The following KCNIP4 variants were observed in gnomAD, a reference collection of about 807,000 sequenced individuals.
KCNIP4 encodes the protein potassium voltage-gated channel interacting protein 4.
KCNIP4 carries 12 observed loss-of-function variants against 34.0 expected under a neutral mutation model. That is an observed-to-expected ratio of 0.35 (90% confidence interval 0.23 to 0.57). The LOEUF (loss-of-function observed/expected upper bound fraction) is 0.57. Ranked by LOEUF, KCNIP4 falls within the 20% of genes least tolerant of loss-of-function variation. The probability of loss-of-function intolerance (pLI) is 0.83; values close to 1 mark genes in which losing one functional copy is unlikely to be tolerated. For missense variants in KCNIP4, 238 were observed against 311.7 expected (o/e 0.76, Z 1.78); for synonymous variants, 124 against 102.2 (o/e 1.21, Z -1.29).
At chr4:21,853,278 G>C (rs1321672842) in intron 1 of KCNIP4, 2 of 152,086 alleles carry the variant, frequency 1.3e-5, no homozygotes, top group East Asian at 3.9e-4. Context: ...TTAAAATATA[G>C]GGCTCTAATA....
intron 1 of KCNIP4, among the ~76,000 whole-genome samples, chr4:20,923,799 G>T (rs967055747): frequency 6.6e-6 from 1 of 152,106 alleles, no homozygotes; most frequent in Non-Finnish European, 1.5e-5. Flanking sequence ...ATCTTTAGGG[G>T]AAGAAAAGAG....
intron 1 of KCNIP4, among the ~76,000 whole-genome samples, chr4:20,909,752 T>TTA (rs1276180983): frequency 6.6e-6 from 1 of 152,182 alleles, no homozygotes; most frequent in Admixed American, 6.6e-5. Flanking sequence ...AATGAGACAC[T>TTA]TACCAATGTC....
At chr4:21,539,615 G>A (rs1298132818) in intron 1 of KCNIP4, among the ~76,000 whole-genome samples, 16 of 152,132 alleles carry the variant, frequency 1.1e-4, no homozygotes, top group Non-Finnish European at 2.9e-5. Flanking sequence ...TGTCCAGATT[G>A]AGCTGACATT....
At chr4:21,379,405 A>G (rs1024658269) in intron 1 of KCNIP4, among the ~76,000 whole-genome samples, 1 of 152,106 alleles carries the variant, frequency 6.6e-6, no homozygotes, top group Non-Finnish European at 1.5e-5. Flanking sequence ...AGTCAGAGTG[A>G]CTCTTTTAAA....
intron 1 of KCNIP4, among the ~76,000 whole-genome samples, chr4:21,302,769 C>T (rs62294088): frequency 1.9e-3 from 283 of 152,146 alleles, no homozygotes; most frequent in Non-Finnish European, 3.0e-3. Context: ...ATCAGAGTGA[C>T]ACACTTATTT....
intron 4 of KCNIP4, among the ~76,000 whole-genome samples, chr4:20,753,608 C>T (rs1754013412): frequency 6.6e-6 from 1 of 152,134 alleles, no homozygotes; most frequent in African/African-American, 2.4e-5. Flanking sequence ...CCATTGAATT[C>T]AAGCACGAGG....
chr4:21,171,103 A>G (rs1753991801), intron 1 of KCNIP4, among the ~76,000 whole-genome samples: 1 of 152,238 alleles, frequency 6.6e-6, no homozygotes, highest in Non-Finnish European at 1.5e-5. Context: ...TTACAAATAA[A>G]TCTACATAAA....
At chr4:20,743,007 GGGATGTGAAGGACCCTTATAA>G (rs1453949630) in intron 5 of KCNIP4, among the ~76,000 whole-genome samples, 1 of 140,988 alleles carries the variant, frequency 7.1e-6, no homozygotes, top group Non-Finnish European at 1.5e-5. Flanking sequence ...CAACTTATAT[GGGATGTGAAGGACCCTTATAA>G]GGGTGTGAAG....
chr4:21,760,620 A>G (rs990777377), intron 1 of KCNIP4, among the ~76,000 whole-genome samples: 1 of 152,068 alleles, frequency 6.6e-6, no homozygotes, highest in Non-Finnish European at 1.5e-5. Flanking sequence ...CAATCTGAAT[A>G]CACAAGTAGC....
At chr4:20,845,120 T>A (rs1720208219) in intron 3 of KCNIP4, among the ~76,000 whole-genome samples, 1 of 152,148 alleles carries the variant, frequency 6.6e-6, no homozygotes, top group South Asian at 2.1e-4. Flanking sequence ...CTCCTCATCT[T>A]GAGTGCTGAG....
intron 3 of KCNIP4, among the ~76,000 whole-genome samples, chr4:20,771,891 C>T (rs948515910): frequency 6.6e-6 from 1 of 151,998 alleles, no homozygotes; most frequent in Non-Finnish European, 1.5e-5. Flanking sequence ...AGGATGGTCT[C>T]GATCTCCTGA....
intron 1 of KCNIP4, among the ~76,000 whole-genome samples, chr4:21,446,978 T>C (rs1728069654): frequency 6.6e-6 from 1 of 151,468 alleles, no homozygotes. Flanking sequence ...TAAATAAAGC[T>C]ACTATAAACA....
At chr4:21,516,502 C>T (rs1043892510) in intron 1 of KCNIP4, among the ~76,000 whole-genome samples, 1 of 152,120 alleles carries the variant, frequency 6.6e-6, no homozygotes, top group Non-Finnish European at 1.5e-5. Context: ...TCAAACTCCC[C>T]AAACTAAATT....
chr4:21,092,756 G>A (rs1295487110), intron 1 of KCNIP4, among the ~76,000 whole-genome samples: 1 of 152,176 alleles, frequency 6.6e-6, no homozygotes, highest in African/African-American at 2.4e-5. Context: ...ACAGCCAGGT[G>A]GCCCAAGTAA....
At chr4:21,491,667 C>G (rs1732409970) in intron 1 of KCNIP4, among the ~76,000 whole-genome samples, 1 of 152,146 alleles carries the variant, frequency 6.6e-6, no homozygotes, top group Admixed American at 6.5e-5. Context: ...GCCACCACAC[C>G]TGGCCTGAAA....
chr4:21,478,246 AT>A (rs1560444996), intron 1 of KCNIP4, among the ~76,000 whole-genome samples: 1 of 150,846 alleles, frequency 6.6e-6, no homozygotes, highest in Non-Finnish European at 1.5e-5. Flanking sequence ...ATTTATTTAC[AT>A]ATTTATTTAT....
intron 1 of KCNIP4, among the ~76,000 whole-genome samples, chr4:21,220,183 C>T (rs1363896370): frequency 6.6e-6 from 1 of 152,168 alleles, no homozygotes; most frequent in African/African-American, 2.4e-5. Flanking sequence ...GGTGCTTATA[C>T]TCCATTTTCA....
chr4:21,041,772 C>A (rs1443206339), intron 1 of KCNIP4, among the ~76,000 whole-genome samples: 1 of 152,150 alleles, frequency 6.6e-6, no homozygotes, highest in Non-Finnish European at 1.5e-5. Flanking sequence ...AGGGCATAAG[C>A]AGGCAGCATA....
intron 1 of KCNIP4, among the ~76,000 whole-genome samples, chr4:21,582,680 T>C (rs1305204444): frequency 1.3e-5 from 2 of 151,946 alleles, no homozygotes; most frequent in Non-Finnish European, 2.9e-5. Context: ...AAATGTTTCT[T>C]TATGCAAATA....
Sources: gnomAD v4.1 joint callset for allele counts (sites outside exome capture counted in the v4.1 genomes callset) on GRCh38, gnomAD v4.1.1 for gene constraint, MANE v1.5 for transcripts, NCBI Gene and HGNC (gene_info 2026-07-23, HGNC 2026-07-21) for gene names.